USP54: variants seen among roughly 807,000 people sequenced by gnomAD.
The protein encoded by USP54 is ubiquitin specific peptidase 54.
USP54 carries 87 observed loss-of-function variants against 170.5 expected under a neutral mutation model. That is an observed-to-expected ratio of 0.51 (90% CI 0.43 to 0.61). USP54 has a LOEUF of 0.61. USP54 is among the 20% of genes least tolerant of loss of function. The pLI is 0.00. For synonymous variants in USP54, 655 were observed against 742.8 expected (o/e 0.88, Z 1.92); for missense variants, 1,786 against 2,047.8 (o/e 0.87, Z 2.47).
chr10:73,530,569 A>G (rs756207503), intron 13 of USP54, 46 bp from the exon 14 acceptor site: 3 of 1,575,314 alleles, frequency 1.9e-6, no homozygotes, highest in East Asian at 2.2e-5. Context: ...TAAAGTGATC[A>G]TGGATACTAG....
intron 20 of USP54, among the ~76,000 whole-genome samples, chr10:73,516,098 C>T (rs1288995316): frequency 6.6e-6 from 1 of 151,962 alleles, no homozygotes; most frequent in Non-Finnish European, 1.5e-5. Flanking sequence ...CATTCTTTAG[C>T]ACAGCATACT....
At chr10:73,547,416 C>T (rs1353728357) in intron 4 of USP54, among the ~76,000 whole-genome samples, 1 of 152,148 alleles carries the variant, frequency 6.6e-6, no homozygotes, top group Non-Finnish European at 1.5e-5. Flanking sequence ...AAAGAGCCTG[C>T]ATTGCCAAGA....
rs905964991 is a variant in USP54, at chr10:73,517,214, G to A, written c.3212C>T (p.Thr1071Ile). ...AGCAACAGGCATTATGGGGTGGCAG[G>A]TTCTATACAGGGGAAGGCTGGGCTG... ...SAQPSLPLYR[T>I]CHPIMPVASS... Residue 1071 changes from threonine to isoleucine, a missense_variant, in exon 20 of 24, where the codon ACC becomes ATC. Physicochemically the swap from Thr to Ile is moderately conservative, Grantham distance 89. Coordinates refer to ENST00000687698, the MANE Select transcript of USP54 (RefSeq NM_001391956.1). 6.2e-7 allele frequency: 1 copy of A among 1,614,208 alleles called. No individual in the cohort carries two copies. The highest frequency in any genetic ancestry group is 1.3e-5 in the African/African-American group (1 of 75,052).
At chr10:73,591,696 A>G (rs2078264642), upstream of USP54, among the ~76,000 whole-genome samples, 1 of 152,224 alleles carries the variant, frequency 6.6e-6, no homozygotes, top group African/African-American at 2.4e-5. Flanking sequence ...TCATTAAACA[A>G]TAAGGTTTGC....
chr10:73,607,830 CAAAAAAAAA>C (rs770614076), intron 1 of USP54, among the ~76,000 whole-genome samples: 1 of 59,512 alleles, frequency 1.7e-5, no homozygotes, highest in African/African-American at 6.4e-5. Context: ...GACTCCGTCT[CAAAAAAAAA>C]AAAAAAAAGA....
At chr10:73,537,679 G>C (rs192513999) in intron 10 of USP54, 2 of 149,792 alleles carry the variant, frequency 1.3e-5, no homozygotes, top group African/African-American at 4.9e-5. Flanking sequence ...CTGAAATTCT[G>C]AACTTTGTAT....
At position 73,541,476 on chromosome 10, in the gene USP54, C is replaced by T. The variant is rs778253634; in HGVS notation, c.724G>A (p.Ala242Thr). The T allele has an allele frequency of 3.1e-6, 5 of 1,614,042 alleles. No individual in the cohort carries two copies. Among genetic ancestry groups the T allele is most frequent in the African/African-American group, 1.3e-5 (1 of 74,916 alleles). ...RIRIRRVLMN[A>T]PQIITIGLVW... ...AGCCCAATCGTGATAATCTGTGGAGCATTCATCAACACACGGCGAATCCTG... is the reference window on the plus strand; with the variant it reads ...AGCCCAATCGTGATAATCTGTGGAGTATTCATCAACACACGGCGAATCCTG... The change falls in exon 9 of 24, where the codon GCT becomes ACT. Residue 242 changes from alanine (A) to threonine (T), a missense_variant. Coordinates refer to ENST00000687698, the MANE Select transcript of USP54 (RefSeq NM_001391956.1).
In USP54 at chr10:73,517,052, G is replaced by A; in HGVS notation, c.3374C>T (p.Thr1125Ile). The A allele has an allele frequency of 6.2e-7, 1 of 1,614,182 alleles. No homozygotes were observed. Among genetic ancestry groups the A allele is most frequent in the Non-Finnish European group, 8.5e-7 (1 of 1,180,036 alleles). ...EETYRPEFPS[T>I]KGLVRSLAEQ... Reference sequence around the variant, plus strand: ...AGCCAGAGAACGGACAAGCCCCTTTGTGCTGGGAAACTCTGGCCTATAGGT... The same window carrying A: ...AGCCAGAGAACGGACAAGCCCCTTTATGCTGGGAAACTCTGGCCTATAGGT... The change falls in exon 20 of 24, where the codon ACA becomes ATA. Residue 1125 changes from threonine (T) to isoleucine (I), a missense_variant. Thr to Ile is a moderately conservative substitution (Grantham distance 89, BLOSUM62 -1). Transcript: ENST00000687698.
chr10:73,595,928 G>C (rs2078689667), upstream of USP54, among the ~76,000 whole-genome samples: 1 of 151,918 alleles, frequency 6.6e-6, no homozygotes, highest in African/African-American at 2.4e-5. Flanking sequence ...TGGCCAACAT[G>C]GTGAAAAACC....
intron 4 of USP54, among the ~76,000 whole-genome samples, chr10:73,571,128 A>G (rs2075092234): frequency 7.6e-6 from 1 of 131,788 alleles, no homozygotes; most frequent in African/African-American, 3.1e-5. Flanking sequence ...ACAGAGTGAG[A>G]CTTCATCCCA....
At chr10:73,514,965 G>C (rs1426732138) in intron 20 of USP54, among the ~76,000 whole-genome samples, 1 of 150,616 alleles carries the variant, frequency 6.6e-6, no homozygotes, top group Non-Finnish European at 1.5e-5. Context: ...ACTTGAACCC[G>C]GGAGGCGGAG....
chr10:73,577,589 A>AT (rs2076294147), intron 1 of USP54, among the ~76,000 whole-genome samples: 1 of 152,188 alleles, frequency 6.6e-6, no homozygotes, highest in African/African-American at 2.4e-5. Context: ...AATATTCACA[A>AT]CAGTCCTATC....
chr10:73,564,061 G>A lies in USP54; in HGVS notation c.240+7360C>T, dbSNP rs1023028125. Among the ~76,000 whole-genome samples, 3 of 151,898 alleles carry A rather than the reference G, an allele frequency of 2.0e-5. No individual in the cohort carries two copies. The East Asian group carries it at 5.8e-4, about 29-fold the overall frequency. On this transcript the variant is annotated intron_variant, in intron 4 of 23. Coordinates refer to ENST00000687698, the MANE Select transcript of USP54 (RefSeq NM_001391956.1). ...CTGTCACCCAGGCTGGAGTATAGTG[G>A]CACAAACACAGCTCACTGCAGCCTC...
At chr10:73,611,520 G>A (rs2080140373) in intron 1 of USP54, 1 of 151,818 alleles carries the variant, frequency 6.6e-6, no homozygotes, top group Non-Finnish European at 1.5e-5. Context: ...GCTGGGCGCA[G>A]TAGCTCACAC....
intron 1 of USP54, chr10:73,624,388 C>A (rs1370628431): frequency 1.1e-5 from 1 of 87,680 alleles, no homozygotes; most frequent in African/African-American, 4.1e-5. Flanking sequence ...TTAGTAGAGA[C>A]GGGGGGGGGG....
chr10:73,508,670 GTT>G (rs778461146), intron 20 of USP54, among the ~76,000 whole-genome samples: 6 of 141,304 alleles, frequency 4.2e-5, no homozygotes, highest in Admixed American at 7.2e-5. Context: ...AGAAGAACAT[GTT>G]TTTTTTTTTT....
Position 73,571,498 on chromosome 10 carries a change from C to T in USP54, c.163G>A (p.Asp55Asn), listed in dbSNP as rs751331648. The T allele has an allele frequency of 6.2e-7, 1 of 1,613,500 alleles. No homozygotes were observed. Among genetic ancestry groups the T allele is most frequent in the Admixed American group, 1.7e-5 (1 of 59,920 alleles). ...TGCCTAAAGCTACGTCGGAAGATAT[C>T]CAAGTGCCACAAAACCTGATGAGAA... ...NSALQVLWHL[D>N]IFRRSFRQLT... The change falls in exon 4 of 24, where the codon GAT (aspartate) becomes AAT (asparagine). Residue 55 changes from aspartate to asparagine, a missense_variant. This residue lies in a region of USP54 where 361 missense variants were observed against 455.0 expected (regional missense o/e 0.79). Transcript: ENST00000687698.
chr10:73,549,235 T>C (rs1187097455), intron 4 of USP54, among the ~76,000 whole-genome samples: 1 of 152,194 alleles, frequency 6.6e-6, no homozygotes, highest in Non-Finnish European at 1.5e-5. Context: ...ACATTCTTAG[T>C]GGTCTCATCT....
At chr10:73,513,779 A>C (rs1322574001) in intron 20 of USP54, among the ~76,000 whole-genome samples, 1 of 152,144 alleles carries the variant, frequency 6.6e-6, no homozygotes, top group African/African-American at 2.4e-5. Context: ...AACTACCTGC[A>C]ATGAAAAATG....
Sources: allele counts gnomAD v4.1 joint callset (sites outside exome capture counted in the v4.1 genomes callset), GRCh38; gene constraint gnomAD v4.1.1; regional missense constraint gnomAD v4.1.1; transcripts MANE v1.5; gene names NCBI Gene and HGNC (gene_info 2026-07-23, HGNC 2026-07-21).